Variants in HJURP observed in about 807,000 individuals in gnomAD.
HJURP encodes the protein Holliday junction recognition protein, also known as 14-3-3-associated AKT substrate.
A neutral mutation model predicts 72.0 loss-of-function variants in HJURP; 49 were observed. That is an observed-to-expected ratio of 0.68 (90% CI 0.54 to 0.86). The LOEUF (loss-of-function observed/expected upper bound fraction) is 0.86, where lower values mean the gene tolerates loss of function less well. HJURP is among the 40% of genes least tolerant of loss of function. The probability of loss-of-function intolerance (pLI) is 0.00; values close to 1 mark genes in which losing one functional copy is unlikely to be tolerated. For synonymous variants in HJURP, 357 were observed against 347.1 expected (o/e 1.03, Z -0.32); for missense variants, 908 against 936.3 (o/e 0.97, Z 0.39).
Position 233,841,796 on chromosome 2 carries a change from AGAGCAGGGTAT to A in HJURP, c.973_983del (p.Ile325Ter). 6.2e-7 allele frequency: 1 copy of A among 1,614,174 alleles called. No homozygotes were observed. Among genetic ancestry groups the A allele is most frequent in the Non-Finnish European group, 8.5e-7 (1 of 1,179,998 alleles). ...ATGCCCCTGTCCCTTTCACAGGCTC[AGAGCAGGGTAT>A]GAAGTTCTCCTTGGAGCTCCTCTGA... On this transcript the variant is annotated frameshift_variant, in exon 8 of 9. Coordinates refer to ENST00000411486, the MANE Select transcript of HJURP (RefSeq NM_018410.5). LOFTEE classifies it high-confidence loss of function.
intron 7 of HJURP, 135 bp downstream of exon 7, chr2:233,844,070 C>T (rs1705296298): frequency 7.4e-6 from 5 of 673,662 alleles, no homozygotes; most frequent in Non-Finnish European, 2.6e-6. Flanking sequence ...CCAAGTATAT[C>T]TCTAACAAGT....
Position 233,841,759 on chromosome 2 carries a change from T to C in HJURP, c.1021A>G (p.Lys341Glu). 1.2e-6 allele frequency: 2 copies of C among 1,614,228 alleles called. No individual in the cohort carries two copies. Among genetic ancestry groups the C allele is most frequent in the Non-Finnish European group, 1.7e-6 (2 of 1,180,030 alleles). ...VKGTGALRDC[K>E]NVLDVSCRKT... is the part of the protein sequence containing the mutation. ...CGGCAAGAAACATCTAATACGTTCT[T>C]GCAATCTCTTAATGCCCCTGTCCCT... The change falls in exon 8 of 9, where the codon AAG (lysine) becomes GAG (glutamate). Residue 341 changes from lysine (K) to glutamate (E), a missense_variant. Transcript: ENST00000411486.
At chr2:233,844,113 G>A (rs776457299) in intron 7 of HJURP, 92 bp downstream of exon 7, 102 of 858,596 alleles carry the variant, frequency 1.2e-4, no homozygotes, top group Non-Finnish European at 1.6e-4. Flanking sequence ...AAATGATGGC[G>A]TGGCCAGTAT....
At position 233,841,196 on chromosome 2, in the gene HJURP, G is replaced by A. The variant is rs769114291; in HGVS notation, c.1584C>T (p.Asn528=). ...SDSSSSLPKT[N]PTHSATRPQQ... is the part of the protein sequence containing the mutation. ...GCGGGCGAGTTGCGCTGTGTGTGGGGTTGGTCTTTGGAAGTGATGAAGATG... is the reference window on the plus strand; with the variant it reads ...GCGGGCGAGTTGCGCTGTGTGTGGGATTGGTCTTTGGAAGTGATGAAGATG... Residue 528 remains asparagine, a synonymous_variant, in exon 8 of 9, where the codon AAC becomes AAT. Coordinates refer to ENST00000411486, the MANE Select transcript of HJURP (RefSeq NM_018410.5). The A allele has an allele frequency of 5.0e-6, 8 of 1,614,100 alleles. No homozygotes were observed. The South Asian group carries it at 5.5e-5, about 11-fold the overall frequency.
chr2:233,841,781 C>A lies in HJURP; in HGVS notation c.999G>T (p.Gly333=), dbSNP rs1177893940. 22 of 1,614,160 alleles carry A rather than the reference C, an allele frequency of 1.4e-5. No homozygotes were observed. Among genetic ancestry groups the A allele is most frequent in the Non-Finnish European group, 1.8e-5 (21 of 1,180,006 alleles). ...TCTTGCAATCTCTTAATGCCCCTGT[C>A]CCTTTCACAGGCTCAGAGCAGGGTA... ...NFIPCSEPVK[G]TGALRDCKNV... is the part of the protein sequence containing the mutation. The change falls in exon 8 of 9, where the codon GGG becomes GGT. Residue 333 remains glycine (G), a synonymous_variant. Transcript: ENST00000411486.
chr2:233,853,820 T>A lies in HJURP; in HGVS notation c.184+24A>T. The A allele has an allele frequency of 1.9e-6, 3 of 1,598,090 alleles. No homozygotes were observed. The South Asian group carries it at 3.3e-5, about 18-fold the overall frequency. On this transcript the variant is annotated intron_variant, in intron 2 of 8. Transcript: ENST00000411486. ...CCATTCACACTCTTCACCCGAATAC[T>A]CAGAAGGTGGGGAAGACCCTTACCC...
At chr2:233,845,128 T>G (rs1233638578) in intron 6 of HJURP, among the ~76,000 whole-genome samples, 1 of 152,068 alleles carries the variant, frequency 6.6e-6, no homozygotes, top group Non-Finnish European at 1.5e-5. Flanking sequence ...AGGGCTGCTC[T>G]TAAGAGTCCC....
At chr2:233,853,958 G>T (rs760490557) in intron 1 of HJURP, 48 bp from the exon 2 acceptor site, 1 of 1,568,126 alleles carries the variant, frequency 6.4e-7, no homozygotes, top group Non-Finnish European at 8.8e-7. Flanking sequence ...GCCACGAGGG[G>T]CCCCAGACCC....
In HJURP at chr2:233,849,810, G is replaced by T; in HGVS notation, c.290C>A (p.Ala97Glu). ...CGAGGGAAGCTCAGGACCCCAGGCT[G>T]CAGCTTGCACGGAGCCATCTGTCCT... is the stretch of plus-strand genomic sequence containing the variant. ...ADRTDGSVQA[A>E]AWGPELPSHR... The change falls in exon 4 of 9, where the codon GCA becomes GAA. Residue 97 changes from alanine (A) to glutamate (E), a missense_variant. Ala to Glu is a moderately radical substitution (Grantham distance 107). This residue lies in a region of HJURP where 299 missense variants were observed against 286.7 expected (regional missense o/e 1.04). Transcript: ENST00000411486. 6.4e-7 allele frequency: 1 copy of T among 1,555,154 alleles called. No individual in the cohort carries two copies. The highest frequency in any genetic ancestry group is 8.7e-7 in the Non-Finnish European group (1 of 1,148,760).
rs765897864 is a variant in HJURP at position 233,849,874 on chromosome 2, GC to G, written c.241-16del. The G allele has an allele frequency of 5.0e-5, 74 of 1,493,276 alleles. No individual in the cohort carries two copies. Among genetic ancestry groups the G allele is most frequent in the Non-Finnish European group, 6.4e-5 (70 of 1,095,506 alleles). 92.5% of individuals were successfully genotyped at this position (1,493,276 alleles called of 1,614,324 possible). The stretch of plus-strand genomic sequence containing the variant: ...ATGGAGGAGTCCTCCAAGTGCAGAA[GC>G]CAATAAAAACATGGTTGTTTGAGTG... On this transcript the variant is annotated splice_polypyrimidine_tract_variant and intron_variant, in intron 3 of 8. Transcript: ENST00000411486.
intron 6 of HJURP, among the ~76,000 whole-genome samples, chr2:233,845,523 C>T (rs1705340531): frequency 6.6e-6 from 1 of 152,216 alleles, no homozygotes; most frequent in Non-Finnish European, 1.5e-5. Context: ...TCCCACCTTC[C>T]TGATGGCGCT....
chr2:233,842,173 C>T lies in HJURP; in HGVS notation c.607G>A (p.Gly203Ser), dbSNP rs2124963973. 1 of 1,613,468 alleles carries T rather than the reference C, an allele frequency of 6.2e-7. No individual in the cohort carries two copies. The highest frequency in any genetic ancestry group is 2.2e-5 in the East Asian group (1 of 44,888). ...GATGAAGCTGGTTTCGCTGGGTCAC[C>T]AGGACTCTTTCTGGAGATACGACTG... is the stretch of plus-strand genomic sequence containing the variant. ...YCSRISRKSP[G>S]DPAKPASSPR... The change falls in exon 8 of 9, where the codon GGT (glycine) becomes AGT (serine). Residue 203 changes from glycine to serine, a missense_variant. Gly to Ser is a moderately conservative substitution (Grantham distance 56). This residue lies in a region of HJURP where 299 missense variants were observed against 286.7 expected (regional missense o/e 1.04). Transcript: ENST00000411486.
intron 1 of HJURP, 71 bp from the exon 2 acceptor site, chr2:233,853,981 CG>C: frequency 7.1e-7 from 1 of 1,414,032 alleles, no homozygotes; most frequent in South Asian, 1.2e-5. Flanking sequence ...GAGGAGGCGG[CG>C]CCAGCCCGTG....
chr2:233,842,491 C>T (rs1705257714), intron 7 of HJURP, among the ~76,000 whole-genome samples: 1 of 152,078 alleles, frequency 6.6e-6, no homozygotes, highest in Middle Eastern at 3.4e-3. Context: ...TGAAAAATGA[C>T]AACACTGTTT....
In HJURP at chr2:233,840,744, G is replaced by T. The variant is rs1705202242; in HGVS notation, c.2036C>A (p.Pro679His). 1 of 1,613,980 alleles carries T rather than the reference G, an allele frequency of 6.2e-7. No individual in the cohort carries two copies. Among genetic ancestry groups the T allele is most frequent in the Non-Finnish European group, 8.5e-7 (1 of 1,180,024 alleles). Residue 679 changes from proline (P) to histidine (H), a missense_variant, in exon 8 of 9, where the codon CCT becomes CAT. Physicochemically the swap from Pro to His is moderately conservative, Grantham distance 77 (BLOSUM62 -2). Coordinates refer to ENST00000411486, the MANE Select transcript of HJURP (RefSeq NM_018410.5). ...TRDGTRDHQF[P>H]AKRPRLSEPQ... is the part of the protein sequence containing the mutation. ...TTCTGATAGCCTGGGTCTTTTTGCA[G>T]GGAACTGATGGTCCCTCGTGCCATC... is the stretch of plus-strand genomic sequence containing the variant.
At position 233,848,326 on chromosome 2, in the gene HJURP, C is replaced by T. The variant is rs569024871; in HGVS notation, c.338-865G>A. On this transcript the variant is annotated intron_variant, in intron 4 of 8. Transcript: ENST00000411486. ...CAGCCTGGGGATCACAGGGGCTTCC[C>T]GGGGGCAGCAAGGAGGCCATGCGGT... Among the ~76,000 whole-genome samples, 17 of 152,222 alleles carry T rather than the reference C, an allele frequency of 1.1e-4. No homozygotes were observed. In the East Asian group the frequency reaches 3.1e-3, roughly 28 times the overall value.
intron 3 of HJURP, among the ~76,000 whole-genome samples, chr2:233,851,121 C>T (rs763719058): frequency 2.0e-5 from 3 of 152,216 alleles, no homozygotes; most frequent in Non-Finnish European, 2.9e-5. Flanking sequence ...TAAGCAAAAA[C>T]CTTAAATAAA....
intron 7 of HJURP, among the ~76,000 whole-genome samples, chr2:233,842,776 G>A: frequency 6.6e-6 from 1 of 152,234 alleles, no homozygotes; most frequent in East Asian, 1.9e-4. Context: ...TTATTTAGTA[G>A]ATGGTTGTGA....
rs771193950 is a variant in HJURP, at chr2:233,841,948, T to C, written c.832A>G (p.Lys278Glu). 18 of 1,614,112 alleles carry C rather than the reference T, an allele frequency of 1.1e-5. No individual in the cohort carries two copies. The Admixed American group carries it at 2.8e-4, about 25-fold the overall frequency. ...LHSMSRLLSTKPSSIISTKTF... is the reference protein window; with the variant it reads ...LHSMSRLLSTEPSSIISTKTF... ...TTGGTGGAGATGATGCTTGATGGCT[T>C]TGTGCTCAACAGCCGGCTCATGGAG... The change falls in exon 8 of 9, where the codon AAG becomes GAG. Residue 278 changes from lysine (K) to glutamate (E), a missense_variant. Transcript: ENST00000411486.
Sources: allele counts gnomAD v4.1 joint callset (sites outside exome capture counted in the v4.1 genomes callset), GRCh38; gene constraint gnomAD v4.1.1; regional missense constraint gnomAD v4.1.1; transcripts MANE v1.5; gene names NCBI Gene and HGNC (gene_info 2026-07-23, HGNC 2026-07-21).